Variants in MDFIC2 observed in about 807,000 individuals in gnomAD.
MDFIC2 encodes myoD family inhibitor domain-containing protein 2.
At chr3:70,284,367 A>G (rs1702119241) in intron 2 of MDFIC2, among the ~76,000 whole-genome samples, 2 of 152,188 alleles carry the variant, frequency 1.3e-5, no homozygotes, top group African/African-American at 4.8e-5. Context: ...TTGAGTTTTC[A>G]TATGTTTCCA....
chr3:70,258,268 G>C (rs1701835443), intron 2 of MDFIC2, among the ~76,000 whole-genome samples: 1 of 152,036 alleles, frequency 6.6e-6, no homozygotes, highest in South Asian at 2.1e-4. Flanking sequence ...AAAAGCATGA[G>C]CCATAAAACT....
chr3:70,300,401 A>C (rs1364969584), intron 2 of MDFIC2, among the ~76,000 whole-genome samples: 1 of 152,088 alleles, frequency 6.6e-6, no homozygotes, highest in Non-Finnish European at 1.5e-5. Flanking sequence ...TCTCATTTAA[A>C]CTACCACGTT....
chr3:70,236,914 TAA>T (rs1338646881), intron 2 of MDFIC2, among the ~76,000 whole-genome samples: 1 of 152,180 alleles, frequency 6.6e-6, no homozygotes, highest in Non-Finnish European at 1.5e-5. Context: ...TTTATTTATG[TAA>T]AAAATATTTC....
chr3:70,307,193 G>A (rs905261686), intron 2 of MDFIC2, among the ~76,000 whole-genome samples: 1 of 152,032 alleles, frequency 6.6e-6, no homozygotes, highest in Admixed American at 6.6e-5. Context: ...TATTGTTGTT[G>A]TTTTGGTGGT....
intron 2 of MDFIC2, among the ~76,000 whole-genome samples, chr3:70,247,467 A>G (rs1311168550): frequency 1.3e-5 from 2 of 151,772 alleles, no homozygotes; most frequent in Non-Finnish European, 1.5e-5. Flanking sequence ...TTTATCATAT[A>G]ATATATATTA....
At chr3:70,250,411 TCACACA>T (rs61355248) in intron 2 of MDFIC2, among the ~76,000 whole-genome samples, 1,406 of 124,958 alleles carry the variant, frequency 0.011, 24 homozygotes, top group African/African-American at 0.039. Context: ...TTAATGAATC[TCACACA>T]CACACACACA....
intron 2 of MDFIC2, among the ~76,000 whole-genome samples, chr3:70,251,195 C>T (rs1404616611): frequency 1.3e-5 from 2 of 152,188 alleles, no homozygotes; most frequent in Admixed American, 1.3e-4. Context: ...GACAGAGCTA[C>T]TCCTCAGGTT....
At chr3:70,218,269 A>G (rs977445667) in intron 2 of MDFIC2, among the ~76,000 whole-genome samples, 1 of 152,176 alleles carries the variant, frequency 6.6e-6, no homozygotes, top group African/African-American at 2.4e-5. Context: ...TGCATGTTTT[A>G]TAACGTATAG....
chr3:70,207,261 AG>A (rs1701299728), intron 2 of MDFIC2, among the ~76,000 whole-genome samples: 1 of 152,092 alleles, frequency 6.6e-6, no homozygotes, highest in Admixed American at 6.6e-5. Flanking sequence ...CTCTGTAAAA[AG>A]AAAAATGCAT....
chr3:70,237,043 T>C (rs1222460804), intron 2 of MDFIC2, among the ~76,000 whole-genome samples: 4 of 150,504 alleles, frequency 2.7e-5, no homozygotes. Context: ...CTTGCCCCAT[T>C]CTCACTGCTC....
chr3:70,287,053 T>C (rs1702173298), intron 2 of MDFIC2, among the ~76,000 whole-genome samples: 1 of 145,748 alleles, frequency 6.9e-6, no homozygotes, highest in Admixed American at 6.8e-5. Context: ...CTTTATTTCC[T>C]TCTCCTGCCT....
At chr3:70,281,224 A>T (rs983803794) in intron 2 of MDFIC2, among the ~76,000 whole-genome samples, 1 of 152,152 alleles carries the variant, frequency 6.6e-6, no homozygotes, top group Non-Finnish European at 1.5e-5. Context: ...TTCACATCTG[A>T]TCATGTTCCT....
chr3:70,206,437 G>T (rs900874616), intron 3 of MDFIC2, 132 bp downstream of exon 3: 1 of 394,054 alleles, frequency 2.5e-6, no homozygotes, highest in African/African-American at 2.1e-5. Flanking sequence ...ATTCACCAGA[G>T]TTTTCAAATC....
chr3:70,309,833 C>T (rs2106708903), intron 2 of MDFIC2, among the ~76,000 whole-genome samples: 1 of 152,204 alleles, frequency 6.6e-6, no homozygotes, highest in Non-Finnish European at 1.5e-5. Flanking sequence ...TGAGATAAAA[C>T]AGGTCACCTG....
At chr3:70,294,145 T>C (rs970308544) in intron 2 of MDFIC2, among the ~76,000 whole-genome samples, 2 of 152,176 alleles carry the variant, frequency 1.3e-5, no homozygotes, top group African/African-American at 4.8e-5. Context: ...TTGTTCAAAA[T>C]AATACTACCC....
intron 2 of MDFIC2, among the ~76,000 whole-genome samples, chr3:70,271,268 G>A (rs1485529175): frequency 2.0e-5 from 3 of 152,052 alleles, no homozygotes; most frequent in Non-Finnish European, 4.4e-5. Context: ...GGACTAGGCA[G>A]GTAAGTAAAT....
rs561439802 is a variant in MDFIC2, at chr3:70,197,037, C to T, written c.459G>A (p.Arg153=). ...TGTCACAATTGCAGCTGCAATCATT[C>T]CGAGAGTGGTTTTCATCCGAGGTGT... ...YHHTSDENHS[R]NDCSCNCDMD... Residue 153 remains arginine, a synonymous_variant, in exon 4 of 4, where the codon CGG becomes CGA. Transcript: ENST00000567252. The T allele has an allele frequency of 7.5e-6, 3 of 398,574 alleles. No individual in the cohort carries two copies. In the East Asian group the frequency reaches 1.1e-4, roughly 14 times the overall value. 24.7% of individuals were successfully genotyped at this position (398,574 alleles called of 1,614,324 possible).
intron 2 of MDFIC2, among the ~76,000 whole-genome samples, chr3:70,296,911 A>G (rs998042916): frequency 1.3e-5 from 2 of 151,968 alleles, no homozygotes; most frequent in Non-Finnish European, 1.5e-5. Context: ...GTAAACTTTC[A>G]TATGGCTAAT....
chr3:70,307,828 A>G (rs1319612044), intron 2 of MDFIC2, among the ~76,000 whole-genome samples: 1 of 152,046 alleles, frequency 6.6e-6, no homozygotes, highest in Non-Finnish European at 1.5e-5. Context: ...TCAGCACTCA[A>G]TCGGTTTTCT....
Sources: allele counts gnomAD v4.1 joint callset (sites outside exome capture counted in the v4.1 genomes callset), GRCh38; gene constraint gnomAD v4.1.1; transcripts MANE v1.5; gene names NCBI Gene and HGNC (gene_info 2026-07-23, HGNC 2026-07-21).